Variants in ARMCX4 observed in about 807,000 individuals in gnomAD.
ARMCX4 encodes armadillo repeat containing X-linked 4, also known as armadillo repeat-containing X-linked protein 4.
ARMCX4 carries 3 observed loss-of-function variants against 34.7 expected under a neutral mutation model. The observed-to-expected ratio is 0.09, with a 90% CI of 0.04 to 0.22. The LOEUF is 0.22. Ranked by LOEUF, ARMCX4 falls within the 10% of genes least tolerant of loss-of-function variation. The pLI, the probability that ARMCX4 is intolerant of heterozygous loss-of-function variation, is 1.00. For synonymous variants in ARMCX4, 513 were observed against 632.8 expected (o/e 0.81, Z 2.84); for missense variants, 1,448 against 1,720.8 (o/e 0.84, Z 2.81).
At chrX:101,429,426 C>T (rs1425902791) in intron 2 of ARMCX4, among the ~76,000 whole-genome samples, 1 of 104,229 alleles carries the variant, frequency 9.6e-6, no homozygotes, top group Non-Finnish European at 2.0e-5. Flanking sequence ...ACCTTAGTCT[C>T]CTGGGTTCAA....
rs781823740 is a variant in ARMCX4, at chrX:101,419,995, C to A, written n.164+995C>A. On this transcript the variant is annotated intron_variant and non_coding_transcript_variant, in intron 2 of 3. Transcript: ENST00000430461. Reference sequence around the variant, plus strand: ...AGTATCTGGCTCTGTTTCCCATTGGCGGAAGGCACTCTCAGACAGTGCTTC... The same window carrying A: ...AGTATCTGGCTCTGTTTCCCATTGGAGGAAGGCACTCTCAGACAGTGCTTC... Among the ~76,000 whole-genome samples, 202 of 112,105 alleles carry A rather than the reference C, an allele frequency of 1.8e-3. 2 individuals carry two copies. Among genetic ancestry groups the A allele is most frequent in the African/African-American group, 6.3e-3 (195 of 30,909 alleles).
intron 7 of ARMCX4, among the ~76,000 whole-genome samples, chrX:101,503,484 G>A (rs1455644012): frequency 1.8e-5 from 2 of 111,675 alleles, no homozygotes; most frequent in African/African-American, 3.3e-5. Flanking sequence ...CATTCTAACT[G>A]GTGTGAGATG....
rs368271371 is a variant in ARMCX4 at position 101,470,390 on chromosome X, G to C, written c.-472-15633G>C. Among the ~76,000 whole-genome samples the C allele has an allele frequency of 6.3e-5, 7 of 110,621 alleles. No individual in the cohort carries two copies. In the East Asian group the frequency reaches 1.7e-3, roughly 27 times the overall value. On this transcript the variant is annotated intron_variant and NMD_transcript_variant, in intron 4 of 15. Transcript: ENST00000433011. Reference sequence around the variant, plus strand: ...TGCAGTGGCACAATCTGGGCTCACTGCAACCTTCACCCCCTGGGTTCAAGT... The same window carrying C: ...TGCAGTGGCACAATCTGGGCTCACTCCAACCTTCACCCCCTGGGTTCAAGT...
chrX:101,427,697 C>A (rs1165929427), intron 2 of ARMCX4, among the ~76,000 whole-genome samples: 1 of 111,498 alleles, frequency 9.0e-6, no homozygotes, highest in Non-Finnish European at 1.9e-5. Flanking sequence ...TTTCTTGACA[C>A]ATCATAACAT....
intron 4 of ARMCX4, among the ~76,000 whole-genome samples, chrX:101,473,140 G>A (rs373317347): frequency 6.3e-5 from 7 of 110,981 alleles, no homozygotes; most frequent in Non-Finnish European, 1.9e-5. Flanking sequence ...AAAACAAAAA[G>A]AGGCAGGGGT....
At chrX:101,459,477 A>G (rs1019309478) in intron 4 of ARMCX4, among the ~76,000 whole-genome samples, 12 of 111,670 alleles carry the variant, frequency 1.1e-4, no homozygotes, top group African/African-American at 2.3e-4. Context: ...CTATGTAGCT[A>G]TAATAGCTAT....
At chrX:101,450,591 A>G (rs1931922608), downstream of ARMCX4, among the ~76,000 whole-genome samples, 1 of 111,909 alleles carries the variant, frequency 8.9e-6, no homozygotes, top group Non-Finnish European at 1.9e-5. Flanking sequence ...CTAAGGTGCA[A>G]GAGAAAGTTC....
intron 4 of ARMCX4, among the ~76,000 whole-genome samples, chrX:101,468,330 G>A (rs782321543): frequency 1.2e-4 from 13 of 108,041 alleles, no homozygotes; most frequent in East Asian, 2.9e-4. Flanking sequence ...TCATTCTGTC[G>A]CCCAGGCTGG....
rs140977486 is a variant in ARMCX4 at position 101,511,949 on chromosome X, C to T, written c.*1780+894C>T. On this transcript the variant is annotated intron_variant and NMD_transcript_variant, in intron 11 of 12. Transcript: ENST00000354842. ...TTTTTTTAGTACAACTTATTATACCCACCTTAGCTGCACTCATAAGTTCAG... is the reference window on the plus strand; with the variant it reads ...TTTTTTTAGTACAACTTATTATACCTACCTTAGCTGCACTCATAAGTTCAG... 2.1e-3 allele frequency among the ~76,000 whole-genome samples: 234 copies of T among 110,489 alleles called. 1 individual carries two copies. The highest frequency in any genetic ancestry group is 7.6e-3 in the African/African-American group (230 of 30,373).
intron 4 of ARMCX4, among the ~76,000 whole-genome samples, chrX:101,477,430 CAAAAAAAAAAAAAAAAAAAA>C (rs1156582627): frequency 5.6e-4 from 7 of 12,498 alleles, no homozygotes; most frequent in Admixed American, 2.1e-3. Flanking sequence ...GACTCTGTCT[CAAAAAAAAAAAAAAAAAAAA>C]AAAAAAAAAA....
At chrX:101,464,710 T>C (rs1556001712) in intron 4 of ARMCX4, among the ~76,000 whole-genome samples, 1 of 111,985 alleles carries the variant, frequency 8.9e-6, no homozygotes, top group African/African-American at 3.2e-5. Context: ...TACATTTGTT[T>C]GGAATGGTGC....
intron 2 of ARMCX4, among the ~76,000 whole-genome samples, chrX:101,433,953 T>G (rs1930496004): frequency 9.1e-6 from 1 of 109,837 alleles, no homozygotes. Context: ...TCCACTTTTT[T>G]TTTTTTTTCC....
intron 2 of ARMCX4, among the ~76,000 whole-genome samples, chrX:101,430,035 A>G (rs1431432753): frequency 9.0e-6 from 1 of 111,702 alleles, no homozygotes; most frequent in Non-Finnish European, 1.9e-5. Context: ...TATATCTTGT[A>G]TGGTGATAGG....
Position 101,488,548 on chromosome X carries a change from G to A in ARMCX4, c.-42G>A, listed in dbSNP as rs966739090. On this transcript the variant is annotated 5_prime_UTR_variant, in exon 6 of 6. Coordinates refer to ENST00000423738, the MANE Select transcript of ARMCX4 (RefSeq NM_001256155.3). ...ACTCTCTTTACCCCAGCCCGAGTGC[G>A]CTCTACCATACCTTGTTCGTGCTTT... The A allele has an allele frequency of 3.1e-5, 36 of 1,153,951 alleles. No homozygotes were observed. The highest frequency in any genetic ancestry group is 1.3e-4 in the African/African-American group (7 of 55,630).
At chrX:101,454,315 G>A (rs1282215128) in intron 4 of ARMCX4, among the ~76,000 whole-genome samples, 4 of 103,943 alleles carry the variant, frequency 3.8e-5, no homozygotes, top group African/African-American at 1.4e-4. Context: ...TCGCTCTGTC[G>A]CCCAGGCTGG....
intron 2 of ARMCX4, among the ~76,000 whole-genome samples, chrX:101,439,143 G>T (rs144215407): frequency 0.047 from 5,198 of 111,777 alleles, 137 homozygotes; most frequent in Admixed American, 0.11. Flanking sequence ...GCTTCCTTCA[G>T]GAGTTCTTTT....
chrX:101,436,120 A>G (rs1161146331), intron 2 of ARMCX4, among the ~76,000 whole-genome samples: 2 of 108,757 alleles, frequency 1.8e-5, no homozygotes, highest in East Asian at 2.8e-4. Flanking sequence ...TTGACTTGGC[A>G]ATGCAGGCTC....
At chrX:101,535,899 A>T (rs1161683849), downstream of ARMCX4, among the ~76,000 whole-genome samples, 1 of 111,569 alleles carries the variant, frequency 9.0e-6, no homozygotes, top group Non-Finnish European at 1.9e-5. Context: ...ATATTAATAA[A>T]AAATAATCCA....
At chrX:101,513,604 T>G (rs1904584857) in intron 11 of ARMCX4, among the ~76,000 whole-genome samples, 1 of 111,495 alleles carries the variant, frequency 9.0e-6, no homozygotes, top group Non-Finnish European at 1.9e-5. Context: ...CATAATGAAA[T>G]GAGGAAAAAA....
Sources: allele counts gnomAD v4.1 joint callset (sites outside exome capture counted in the v4.1 genomes callset), GRCh38; gene constraint gnomAD v4.1.1; transcripts MANE v1.5; gene names NCBI Gene and HGNC (gene_info 2026-07-23, HGNC 2026-07-21).